Variants in SLC22A16 observed in about 807,000 individuals in gnomAD.
SLC22A16 encodes WUGSC:RG331P03.1.
In SLC22A16, 53 loss-of-function variants were observed where a neutral mutation model predicts 52.9. That is an observed-to-expected ratio of 1.00 (90% CI 0.80 to 1.26). The LOEUF (loss-of-function observed/expected upper bound fraction) is 1.26, where lower values mean the gene tolerates loss of function less well. Ranked by LOEUF, SLC22A16 falls within the 50% of genes most tolerant of loss-of-function variation. The probability of loss-of-function intolerance (pLI) is 0.00; values close to 1 mark genes in which losing one functional copy is unlikely to be tolerated. For missense variants in SLC22A16, 726 were observed against 704.0 expected (o/e 1.03, Z -0.35); for synonymous variants, 291 against 268.8 (o/e 1.08, Z -0.81).
intron 2 of SLC22A16, among the ~76,000 whole-genome samples, chr6:110,451,203 A>G (rs1181992616): frequency 6.6e-6 from 1 of 152,194 alleles, no homozygotes; most frequent in Non-Finnish European, 1.5e-5. Flanking sequence ...ACATGTGTCC[A>G]TGAGATAATT....
chr6:110,431,344 G>T, intron 6 of SLC22A16, 74 bp from the exon 7 acceptor site: 2 of 1,293,430 alleles, frequency 1.5e-6, no homozygotes, highest in Non-Finnish European at 2.2e-6. Context: ...GCTTCCTGCA[G>T]CTCCTTTCCC....
chr6:110,455,659 A>G (rs557017211), intron 2 of SLC22A16: 4 of 152,238 alleles, frequency 2.6e-5, no homozygotes, highest in Non-Finnish European at 5.9e-5. Flanking sequence ...TTTTAAAAAT[A>G]TATGGCCAGG....
intron 1 of SLC22A16, chr6:110,475,071 C>G: frequency 2.1e-6 from 1 of 481,036 alleles, no homozygotes; most frequent in Non-Finnish European, 4.2e-6. Context: ...TGCTCAAGAC[C>G]GTATAGTTAA....
At chr6:110,455,689 A>C (rs974130190) in intron 2 of SLC22A16, 15 of 152,206 alleles carry the variant, frequency 9.9e-5, no homozygotes, top group African/African-American at 3.6e-4. Flanking sequence ...GAATGATAGT[A>C]TTCCCTCCAA....
chr6:110,429,724 A>G (rs1206975909), intron 7 of SLC22A16, among the ~76,000 whole-genome samples: 2 of 152,196 alleles, frequency 1.3e-5, no homozygotes, highest in Non-Finnish European at 2.9e-5. Flanking sequence ...ACACTGCGAC[A>G]GCAACTGAAA....
At chr6:110,430,934 G>A (rs1307391362) in intron 7 of SLC22A16, among the ~76,000 whole-genome samples, 1 of 152,178 alleles carries the variant, frequency 6.6e-6, no homozygotes, top group East Asian at 1.9e-4. Flanking sequence ...GCCCTTTTGT[G>A]GCAGGCAGAG....
At chr6:110,436,045 A>G in intron 5 of SLC22A16, 84 bp from the exon 6 acceptor site, 1 of 857,008 alleles carries the variant, frequency 1.2e-6, no homozygotes, top group Non-Finnish European at 1.9e-6. Flanking sequence ...TACTTAAAAC[A>G]TTCTAATTCC....
intron 1 of SLC22A16, among the ~76,000 whole-genome samples, chr6:110,466,911 TGATAGATAGATAGATAGATAGATAGATA>T (rs3045569): frequency 6.4e-5 from 9 of 140,552 alleles, no homozygotes; most frequent in African/African-American, 1.6e-4. Flanking sequence ...AAAGAAAATG[TGATAGATAGATAGATAGATAGATAGATA>T]GATAGATAGA....
intron 1 of SLC22A16, chr6:110,476,260 G>C: frequency 9.1e-7 from 1 of 1,100,264 alleles, no homozygotes; most frequent in Non-Finnish European, 1.2e-6. Flanking sequence ...GCACGCACCA[G>C]GTCCCTCCTG....
chr6:110,432,744 T>C (rs550459532), intron 6 of SLC22A16, among the ~76,000 whole-genome samples: 2 of 152,242 alleles, frequency 1.3e-5, no homozygotes, highest in Admixed American at 6.5e-5. Flanking sequence ...AGTGCTAGAA[T>C]GTAATCTGTT....
intron 7 of SLC22A16, among the ~76,000 whole-genome samples, chr6:110,425,864 C>T (rs1255826192): frequency 6.6e-6 from 1 of 152,172 alleles, no homozygotes; most frequent in Non-Finnish European, 1.5e-5. Context: ...CTATACAATC[C>T]GTAAAAACAC....
rs373139661 is a variant in SLC22A16 at position 110,463,403 on chromosome 6, C to T, written c.54-6386G>A. On this transcript the variant is annotated intron_variant, in intron 1 of 7. Coordinates refer to ENST00000368919, the MANE Select transcript of SLC22A16 (RefSeq NM_033125.4). ...AGACCACTTAATATGTAAAGATACC[C>T]ATAGCCTAAAGTAAAGGGGGGTAAA... is the stretch of plus-strand genomic sequence containing the variant. Among the ~76,000 whole-genome samples, 47 of 148,584 alleles carry T rather than the reference C, an allele frequency of 3.2e-4. No homozygotes were observed. The East Asian group carries it at 5.8e-3, about 18-fold the overall frequency.
At chr6:110,441,117 A>G (rs1191077803) in intron 4 of SLC22A16, among the ~76,000 whole-genome samples, 2 of 152,242 alleles carry the variant, frequency 1.3e-5, no homozygotes, top group Non-Finnish European at 1.5e-5. Context: ...AAAGGACAAG[A>G]CGATATTGAA....
intron 1 of SLC22A16, among the ~76,000 whole-genome samples, chr6:110,462,923 G>A (rs552179830): frequency 2.0e-5 from 3 of 151,954 alleles, no homozygotes; most frequent in South Asian, 2.1e-4. Context: ...CTAATGAGAC[G>A]TCTCAGTAGA....
chr6:110,444,058 C>G (rs1021211612), intron 3 of SLC22A16, among the ~76,000 whole-genome samples: 1 of 151,956 alleles, frequency 6.6e-6, no homozygotes, highest in Non-Finnish European at 1.5e-5. Context: ...AATTGCACCA[C>G]AGTATGAATG....
rs772414142 is a variant in SLC22A16 at position 110,425,098 on chromosome 6, A to G, written c.1522-13T>C. On this transcript the variant is annotated splice_polypyrimidine_tract_variant and intron_variant, in intron 7 of 7. Coordinates refer to ENST00000368919, the MANE Select transcript of SLC22A16 (RefSeq NM_033125.4). ...TCCCAACAAACAACTAGAAGGAATT[A>G]AAAATAATGATAAGTGACACATCAA... The G allele has an allele frequency of 6.2e-7, 1 of 1,613,390 alleles. No individual in the cohort carries two copies. Among genetic ancestry groups the G allele is most frequent in the South Asian group, 1.1e-5 (1 of 90,942 alleles).
chr6:110,447,669 G>C (rs1176459044), intron 2 of SLC22A16, among the ~76,000 whole-genome samples: 1 of 152,066 alleles, frequency 6.6e-6, no homozygotes, highest in Non-Finnish European at 1.5e-5. Context: ...CCTCTTCCCT[G>C]CTCCCTCCAG....
chr6:110,431,685 C>G (rs1774512672), intron 6 of SLC22A16, among the ~76,000 whole-genome samples: 1 of 151,918 alleles, frequency 6.6e-6, no homozygotes, highest in African/African-American at 2.4e-5. Context: ...AAAACGGTGC[C>G]CATCATTAAG....
At chr6:110,452,005 C>T (rs1019315501) in intron 2 of SLC22A16, among the ~76,000 whole-genome samples, 9 of 152,278 alleles carry the variant, frequency 5.9e-5, no homozygotes, top group Admixed American at 3.3e-4. Flanking sequence ...GTCCCAGCAC[C>T]ACTTAATGAT....
Sources: gnomAD v4.1 joint callset for allele counts (sites outside exome capture counted in the v4.1 genomes callset) on GRCh38, gnomAD v4.1.1 for gene constraint, MANE v1.5 for transcripts, NCBI Gene and HGNC (gene_info 2026-07-23, HGNC 2026-07-21) for gene names.